PCDH15: variants seen among roughly 807,000 people sequenced by gnomAD.
The protein encoded by PCDH15 is protocadherin-15.
A neutral mutation model predicts 178.5 loss-of-function variants in PCDH15; 129 were observed. That is an observed-to-expected ratio of 0.72 (90% CI 0.63 to 0.84). The LOEUF (loss-of-function observed/expected upper bound fraction) is 0.84, where lower values mean the gene tolerates loss of function less well. PCDH15 is among the 40% of genes least tolerant of loss of function. The pLI, the probability that PCDH15 is intolerant of heterozygous loss-of-function variation, is 0.00. For synonymous variants in PCDH15, 800 were observed against 732.0 expected (o/e 1.09, Z -1.50); for missense variants, 2,230 against 2,099.9 (o/e 1.06, Z -1.21).
intron 15 of PCDH15, among the ~76,000 whole-genome samples, chr10:54,093,854 T>C (rs2094645668): frequency 1.3e-5 from 2 of 152,188 alleles, no homozygotes; most frequent in African/African-American, 4.8e-5. Context: ...AATAACTGTA[T>C]CATCTTGAAA....
Position 54,651,468 on chromosome 10 carries a change from A to G in PCDH15, c.91+12704T>C, listed in dbSNP as rs569121967. On this transcript the variant is annotated intron_variant, in intron 2 of 37. Transcript: ENST00000644397. ...TTCACTGTTTTATTAAAAATAGCTG[A>G]AAGACAGAAGCTGAGTCACTTCAAC... Among the ~76,000 whole-genome samples, 30 of 152,316 alleles carry G rather than the reference A, an allele frequency of 2.0e-4. No homozygotes were observed. In the South Asian group the frequency reaches 5.2e-3, roughly 26 times the overall value.
chr10:54,110,388 T>C (rs1043175633), intron 15 of PCDH15, among the ~76,000 whole-genome samples: 4 of 150,076 alleles, frequency 2.7e-5, no homozygotes, highest in African/African-American at 4.9e-5. Flanking sequence ...TGTGAACTCA[T>C]AGGTATATAT....
chr10:55,583,179 T>C (rs1035671509), intron 2 of PCDH15, among the ~76,000 whole-genome samples: 2 of 152,160 alleles, frequency 1.3e-5, no homozygotes, highest in African/African-American at 4.8e-5. Context: ...ACTCTGATAA[T>C]TTTGCACATT....
rs146949001 is a variant in PCDH15 at position 54,081,585 on chromosome 10, A to C, written c.1998-2161T>G. 4.6e-5 allele frequency among the ~76,000 whole-genome samples: 7 copies of C among 152,270 alleles called. No individual in the cohort carries two copies. In the East Asian group the frequency reaches 1.2e-3, roughly 25 times the overall value. On this transcript the variant is annotated intron_variant, in intron 16 of 37. Transcript: ENST00000644397. The stretch of plus-strand genomic sequence containing the variant: ...ACACAGGCAGTGTATTTTGGGATTC[A>C]TAGCTGAAAGACTAGTTTATGGGTT...
chr10:53,988,471 C>G (rs1438920623), intron 21 of PCDH15, among the ~76,000 whole-genome samples: 1 of 152,132 alleles, frequency 6.6e-6, no homozygotes, highest in African/African-American at 2.4e-5. Context: ...GACACAGTCT[C>G]TAGGCTATGT....
At chr10:55,282,124 G>A (rs185387786) in intron 1 of PCDH15, among the ~76,000 whole-genome samples, 26 of 152,160 alleles carry the variant, frequency 1.7e-4, no homozygotes, top group Admixed American at 7.9e-4. Context: ...ATAGCTACCC[G>A]TTATTCCTAT....
At chr10:55,509,423 C>A (rs1840831331) in intron 2 of PCDH15, among the ~76,000 whole-genome samples, 1 of 151,672 alleles carries the variant, frequency 6.6e-6, no homozygotes, top group African/African-American at 2.4e-5. Flanking sequence ...TTACAGCATT[C>A]TCCTGTATCC....
chr10:54,170,837 C>T (rs975873929), intron 13 of PCDH15, among the ~76,000 whole-genome samples: 1 of 152,004 alleles, frequency 6.6e-6, no homozygotes, highest in Non-Finnish European at 1.5e-5. Context: ...CTCTCATTTC[C>T]TTTCCATCGT....
chr10:54,036,145 C>A (rs561479065), intron 18 of PCDH15, among the ~76,000 whole-genome samples: 15 of 152,008 alleles, frequency 9.9e-5, no homozygotes, highest in Middle Eastern at 3.4e-3. Context: ...CATAAAAGTG[C>A]AAGGTGAAGC....
intron 3 of PCDH15, among the ~76,000 whole-genome samples, chr10:54,852,669 G>A (rs1953644424): frequency 6.6e-6 from 1 of 151,668 alleles, no homozygotes; most frequent in South Asian, 2.1e-4. Context: ...TGGCTAAGAT[G>A]GTGAAACCCC....
At chr10:53,853,207 T>A (rs2078502418) in intron 28 of PCDH15, among the ~76,000 whole-genome samples, 1 of 151,088 alleles carries the variant, frequency 6.6e-6, no homozygotes, top group Non-Finnish European at 1.5e-5. Context: ...AAAAATGGAA[T>A]ATCCATATGT....
intron 3 of PCDH15, among the ~76,000 whole-genome samples, chr10:54,469,372 C>T (rs1156813867): frequency 6.6e-6 from 1 of 152,204 alleles, no homozygotes; most frequent in Admixed American, 6.5e-5. Context: ...GCAGGGATTA[C>T]AGGCATGAGC....
intron 2 of PCDH15, among the ~76,000 whole-genome samples, chr10:55,068,395 A>G (rs780702922): frequency 1.3e-5 from 2 of 152,056 alleles, no homozygotes; most frequent in Non-Finnish European, 2.9e-5. Flanking sequence ...AATTTTATCA[A>G]AGATCAGTTT....
intron 2 of PCDH15, among the ~76,000 whole-genome samples, chr10:55,015,644 T>C (rs1840156241): frequency 6.6e-6 from 1 of 152,102 alleles, no homozygotes. Context: ...CTGGGTAATT[T>C]ATGAAGAGTT....
At chr10:54,458,375 A>G (rs2076957860) in intron 3 of PCDH15, among the ~76,000 whole-genome samples, 1 of 152,142 alleles carries the variant, frequency 6.6e-6, no homozygotes, top group East Asian at 1.9e-4. Flanking sequence ...TTACAATTAA[A>G]TATCTGGCTT....
chr10:54,668,765 A>G (rs2135477125), intron 1 of PCDH15, among the ~76,000 whole-genome samples: 1 of 152,246 alleles, frequency 6.6e-6, no homozygotes. Flanking sequence ...ATAAACACTA[A>G]CTTTCTTGAG....
At chr10:54,423,243 A>C (rs565582483) in intron 3 of PCDH15, among the ~76,000 whole-genome samples, 1 of 152,292 alleles carries the variant, frequency 6.6e-6, no homozygotes, top group African/African-American at 2.4e-5. Context: ...GAGATATTGC[A>C]ATAATTTCCC....
At chr10:55,182,721 C>G (rs116380077) in intron 1 of PCDH15, among the ~76,000 whole-genome samples, 2 of 151,854 alleles carry the variant, frequency 1.3e-5, no homozygotes, top group African/African-American at 4.8e-5. Flanking sequence ...CATAGCAGCA[C>G]AAAGTCTATG....
chr10:54,060,560 A>C (rs1253820070), intron 18 of PCDH15, among the ~76,000 whole-genome samples: 1 of 152,220 alleles, frequency 6.6e-6, no homozygotes, highest in Admixed American at 6.5e-5. Flanking sequence ...TTAATCCTTC[A>C]AATCACTACT....
Sources: gnomAD v4.1 joint callset for allele counts (sites outside exome capture counted in the v4.1 genomes callset) on GRCh38, gnomAD v4.1.1 for gene constraint, MANE v1.5 for transcripts, NCBI Gene and HGNC (gene_info 2026-07-23, HGNC 2026-07-21) for gene names.